The following MTRF1 variants were observed in gnomAD, a reference collection of about 807,000 sequenced individuals.
MTRF1 encodes the protein peptide chain release factor 1, mitochondrial.
A neutral mutation model predicts 62.9 loss-of-function variants in MTRF1; 51 were observed. The ratio of observed to expected loss-of-function variants is 0.81; its 90% confidence interval spans 0.65 to 1.02. MTRF1 has a LOEUF of 1.02. Among genes scored for constraint, MTRF1 ranks in the 50% least tolerant of loss-of-function variants. MTRF1 has a pLI of 0.00. For synonymous variants in MTRF1, 158 were observed against 181.9 expected, an observed-to-expected ratio of 0.87 and a Z score of 1.06; for missense variants, 446 against 530.0, an observed-to-expected ratio of 0.84 and a Z score of 1.56.
At chr13:41,238,335 G>T (rs1724205202) in intron 6 of MTRF1, among the ~76,000 whole-genome samples, 1 of 152,162 alleles carries the variant, frequency 6.6e-6, no homozygotes, top group African/African-American at 2.4e-5. Context: ...CCAAATCTGG[G>T]ACTATTTGAA....
At chr13:41,245,690 T>C (rs2038153623) in intron 5 of MTRF1, among the ~76,000 whole-genome samples, 1 of 152,244 alleles carries the variant, frequency 6.6e-6, no homozygotes, top group African/African-American at 2.4e-5. Context: ...GAATTTAACC[T>C]TAATACTTTT....
At chr13:41,253,617 G>A (rs1426800695) in intron 3 of MTRF1, among the ~76,000 whole-genome samples, 1 of 152,172 alleles carries the variant, frequency 6.6e-6, no homozygotes, top group Non-Finnish European at 1.5e-5. Context: ...GAAAAGGGAA[G>A]TAATTTCATT....
intron 9 of MTRF1, chr13:41,220,638 C>T: frequency 7.8e-7 from 1 of 1,276,464 alleles, no homozygotes; most frequent in Non-Finnish European, 1.0e-6. Flanking sequence ...TGGAATGAGA[C>T]TGAGCCTTGG....
the MTRF1 span, among the ~76,000 whole-genome samples, chr13:41,306,014 A>G: frequency 1.3e-5 from 2 of 152,342 alleles, no homozygotes; most frequent in Admixed American, 1.3e-4. Context: ...TAACTGATGA[A>G]TAAAATTTGA....
At chr13:41,300,909 G>T in the MTRF1 span, among the ~76,000 whole-genome samples, 3 of 152,166 alleles carry the variant, frequency 2.0e-5, no homozygotes, top group Non-Finnish European at 4.4e-5. Flanking sequence ...GGTGCAGGGG[G>T]CATGACTGAA....
At chr13:41,220,569 T>C (rs1593540941) in intron 9 of MTRF1, 1 of 1,287,928 alleles carries the variant, frequency 7.8e-7, no homozygotes, top group Non-Finnish European at 1.0e-6. Context: ...GAATACCAGG[T>C]GATCTCACAG....
At chr13:41,263,583 T>C (rs985001994), upstream of MTRF1, 1 of 200,248 alleles carries the variant, frequency 5.0e-6, no homozygotes, top group Admixed American at 5.6e-5. Flanking sequence ...TCACGTTCAC[T>C]TCCTGGTTCA....
chr13:41,249,094 C>CTT (rs1207765772), intron 5 of MTRF1, among the ~76,000 whole-genome samples: 2 of 151,440 alleles, frequency 1.3e-5, no homozygotes, highest in Non-Finnish European at 3.0e-5. Flanking sequence ...AATCTCTGTG[C>CTT]TTATCTATGA....
At chr13:41,276,662 G>C in the MTRF1 span, among the ~76,000 whole-genome samples, 3 of 152,036 alleles carry the variant, frequency 2.0e-5, no homozygotes, top group African/African-American at 7.2e-5. Context: ...AGCTAGCTTT[G>C]GAAGACATTT....
At chr13:41,251,850 A>G (rs1369763780) in intron 5 of MTRF1, among the ~76,000 whole-genome samples, 1 of 152,174 alleles carries the variant, frequency 6.6e-6, no homozygotes, top group African/African-American at 2.4e-5. Flanking sequence ...TTGAGTATTT[A>G]AAGGTAAAGA....
chr13:41,262,167 T>A (rs1005213917), intron 1 of MTRF1: 2 of 151,798 alleles, frequency 1.3e-5, no homozygotes, highest in East Asian at 3.9e-4. Context: ...GAAAACCCCA[T>A]CTCTACTAAA....
At chr13:41,263,207 G>T in intron 1 of MTRF1, 1 of 1,195,218 alleles carries the variant, frequency 8.4e-7, no homozygotes, top group Non-Finnish European at 1.1e-6. Context: ...TAATTTTCAA[G>T]GTCATGAATC....
intron 5 of MTRF1, among the ~76,000 whole-genome samples, chr13:41,248,527 A>G (rs2038594188): frequency 6.6e-6 from 1 of 151,990 alleles, no homozygotes; most frequent in Non-Finnish European, 1.5e-5. Context: ...GGATCGAATT[A>G]CTCCTACTAC....
At chr13:41,297,548 C>A in the MTRF1 span, among the ~76,000 whole-genome samples, 1 of 151,980 alleles carries the variant, frequency 6.6e-6, no homozygotes, top group South Asian at 2.1e-4. Flanking sequence ...ACTCCAAAAG[C>A]CAAAGAGATC....
intron 8 of MTRF1, 83 bp downstream of exon 8, chr13:41,226,349 A>T: frequency 7.2e-7 from 1 of 1,380,532 alleles, no homozygotes; most frequent in Non-Finnish European, 9.9e-7. Flanking sequence ...ATTCCCATTT[A>T]AGCAAGAACA....
the MTRF1 span, among the ~76,000 whole-genome samples, chr13:41,270,763 G>A: frequency 4.0e-5 from 6 of 149,952 alleles, no homozygotes; most frequent in Non-Finnish European, 5.9e-5. Flanking sequence ...TTTTTGAGAC[G>A]AAATTTCACT....
chr13:41,250,764 C>A (rs945317382), intron 5 of MTRF1, among the ~76,000 whole-genome samples: 2 of 152,098 alleles, frequency 1.3e-5, no homozygotes, highest in African/African-American at 4.8e-5. Context: ...CTGTGCCCAG[C>A]CTATTTACTG....
chr13:41,247,506 G>C (rs905808518), intron 5 of MTRF1, among the ~76,000 whole-genome samples: 1 of 152,120 alleles, frequency 6.6e-6, no homozygotes, highest in Non-Finnish European at 1.5e-5. Context: ...TTAAGCTTTC[G>C]ATAATCCATC....
the MTRF1 span, among the ~76,000 whole-genome samples, chr13:41,274,381 A>G: frequency 6.6e-6 from 1 of 152,162 alleles, no homozygotes; most frequent in Non-Finnish European, 1.5e-5. Flanking sequence ...TTTTTTGTTC[A>G]TACTGCTAAA....
Sources: gnomAD v4.1 joint callset for allele counts (sites outside exome capture counted in the v4.1 genomes callset) on GRCh38, gnomAD v4.1.1 for gene constraint, MANE v1.5 for transcripts, NCBI Gene and HGNC (gene_info 2026-07-23, HGNC 2026-07-21) for gene names.